PXDN: variants seen among roughly 807,000 people sequenced by gnomAD.
The protein encoded by PXDN is peroxidasin, also known as peroxidasin homolog.
Under a neutral mutation model 140.3 loss-of-function variants are expected in PXDN, and 77 were observed. The ratio of observed to expected loss-of-function variants is 0.55; its 90% confidence interval spans 0.46 to 0.66. The LOEUF (loss-of-function observed/expected upper bound fraction) is 0.66. Among genes scored for constraint, PXDN ranks in the 30% least tolerant of loss-of-function variants. The pLI, the probability that PXDN is intolerant of heterozygous loss-of-function variation, is 0.00. For missense variants in PXDN, 1,838 were observed against 2,039.5 expected, an observed-to-expected ratio of 0.90 and a Z score of 1.90; for synonymous variants, 911 against 857.4, an observed-to-expected ratio of 1.06 and a Z score of -1.09.
At position 1,648,366 on chromosome 2, in the gene PXDN, C is replaced by G; in HGVS notation, c.3414G>C (p.Glu1138Asp). The G allele has an allele frequency of 6.2e-7, 1 of 1,613,550 alleles. No homozygotes were observed. The highest frequency in any genetic ancestry group is 8.5e-7 in the Non-Finnish European group (1 of 1,179,906). ...MRVPSQLLNT[E>D]LTERLFSMAH... ...CCATGGAGAACAGCCGCTCCGTGAG[C>G]TCCGTGTTCAGCAGCTGCGAGGGCA... is the stretch of plus-strand genomic sequence containing the variant. Residue 1138 changes from glutamate to aspartate, a missense_variant, in exon 17 of 23, where the codon GAG becomes GAC. By Grantham distance (45) the Glu-to-Asp change is conservative (BLOSUM62 2). Transcript: ENST00000252804. The surrounding 1 kb of genome is among the most constrained non-coding windows in gnomAD (Gnocchi z 8.9).
Position 1,643,421 on chromosome 2 carries a change from C to T in PXDN, c.3899G>A (p.Ser1300Asn). Reference protein sequence around the residue: ...RVAEFPHGYGSCDEIPRVDLR... With the variant: ...RVAEFPHGYGNCDEIPRVDLR... Reference sequence around the variant, plus strand: ...GTCTACCCTGGGGATCTCGTCACAGCTGCCGTAGCCGTGAGGGAACTCCGC... The same window carrying T: ...GTCTACCCTGGGGATCTCGTCACAGTTGCCGTAGCCGTGAGGGAACTCCGC... The change falls in exon 19 of 23, where the codon AGC (serine) becomes AAC (asparagine). Residue 1300 changes from serine (S) to asparagine (N), a missense_variant. By Grantham distance (46) the Ser-to-Asn change is conservative. This residue lies in a region of PXDN where 850 missense variants were observed against 894.1 expected (regional missense o/e 0.95). Coordinates refer to ENST00000252804, the MANE Select transcript of PXDN (RefSeq NM_012293.3). 2 of 1,613,964 alleles carry T rather than the reference C, an allele frequency of 1.2e-6. No individual in the cohort carries two copies. The highest frequency in any genetic ancestry group is 2.2e-5 in the South Asian group (2 of 91,082).
At chr2:1,673,905 G>A in intron 8 of PXDN, 93 bp from the exon 9 acceptor site, 1 of 1,394,956 alleles carries the variant, frequency 7.2e-7, no homozygotes, top group Non-Finnish European at 1.0e-6. Context: ...CCCTGCAGCA[G>A]GCACAACTTG....
Position 1,649,031 on chromosome 2 carries a change from C to T in PXDN, c.2749G>A (p.Gly917Arg). 6.2e-7 allele frequency: 1 copy of T among 1,612,638 alleles called. No homozygotes were observed. The highest frequency in any genetic ancestry group is 8.5e-7 in the Non-Finnish European group (1 of 1,179,748). The change falls in exon 17 of 23, where the codon GGG becomes AGG. Residue 917 changes from glycine to arginine, a missense_variant. Transcript: ENST00000252804. The surrounding 1 kb of genome is among the most constrained non-coding windows in gnomAD (Gnocchi z 7.1). ...TSYIDASNVY[G>R]STEHEARSIR... ...CTGCGGGCCTCATGCTCCGTGCTCC[C>T]GTACACGTTGGATGCGTCTATGTAG...
chr2:1,692,010 G>T lies in PXDN; in HGVS notation c.273-11C>A, dbSNP rs749280615. 3.4e-6 allele frequency: 5 copies of T among 1,491,272 alleles called. No homozygotes were observed. The highest frequency in any genetic ancestry group is 3.4e-4 in the Middle Eastern group (2 of 5,828). The allele number at this position is 1,491,272 out of a possible 1,614,324, so 92.4% of individuals were successfully genotyped here. A position where few individuals can be genotyped will look rare whatever the true frequency, so the allele number is the denominator to read the frequency against. Reference sequence around the variant, plus strand: ...TTATTATTGAGAAGCCTATGAAAGAGAGTCGATAAGAATTTTAAAAAACAA... The same window carrying T: ...TTATTATTGAGAAGCCTATGAAAGATAGTCGATAAGAATTTTAAAAAACAA... On this transcript the variant is annotated splice_polypyrimidine_tract_variant and intron_variant, in intron 2 of 22. Transcript: ENST00000252804.
intron 1 of PXDN, 47 bp downstream of exon 1, chr2:1,744,209 C>A (rs1169816750): frequency 9.7e-6 from 14 of 1,438,338 alleles, no homozygotes; most frequent in Non-Finnish European, 1.3e-5. Context: ...CCCGGATCTC[C>A]ACGAAGCCCC....
At chr2:1,731,756 A>G (rs1033671663) in intron 1 of PXDN, among the ~76,000 whole-genome samples, 3 of 152,180 alleles carry the variant, frequency 2.0e-5, no homozygotes, top group Admixed American at 2.0e-4. Flanking sequence ...AGAGCTGCCC[A>G]GCCAAGAACA....
At chr2:1,643,774 G>A (rs1682784021) in intron 18 of PXDN, among the ~76,000 whole-genome samples, 198 bp from the exon 19 acceptor site, 1 of 152,116 alleles carries the variant, frequency 6.6e-6, no homozygotes, top group Admixed American at 6.5e-5. Context: ...ACAATCTGGT[G>A]TAAAAATGAC....
chr2:1,658,796 CTCTA>C (rs1683234442), intron 14 of PXDN, among the ~76,000 whole-genome samples: 1 of 138,386 alleles, frequency 7.2e-6, no homozygotes, highest in Non-Finnish European at 1.6e-5. Flanking sequence ...GACCCCCCCA[CTCTA>C]CTCTCCCAGA....
chr2:1,734,017 GA>G (rs892546580), intron 1 of PXDN, among the ~76,000 whole-genome samples: 1 of 152,104 alleles, frequency 6.6e-6, no homozygotes, highest in African/African-American at 2.4e-5. Context: ...TCTCTAAAAA[GA>G]TAACTGACAG....
intron 1 of PXDN, among the ~76,000 whole-genome samples, chr2:1,725,199 T>C (rs938006612): frequency 2.6e-5 from 4 of 152,254 alleles, no homozygotes; most frequent in Non-Finnish European, 4.4e-5. Flanking sequence ...GACTTTTGTA[T>C]GTTGATTTTG....
intron 2 of PXDN, chr2:1,692,674 T>G (rs1684210899): frequency 2.2e-6 from 1 of 463,074 alleles, no homozygotes; most frequent in Non-Finnish European, 4.4e-6. Flanking sequence ...AACCCTCACT[T>G]AAGTCCACTC....
chr2:1,661,402 G>A (rs893569341), intron 13 of PXDN, among the ~76,000 whole-genome samples: 1 of 152,178 alleles, frequency 6.6e-6, no homozygotes, highest in Non-Finnish European at 1.5e-5. Flanking sequence ...GGGCACTGGC[G>A]CCGAGGGCAA....
chr2:1,723,085 T>C (rs771635281), intron 1 of PXDN, among the ~76,000 whole-genome samples: 1 of 152,062 alleles, frequency 6.6e-6, no homozygotes, highest in Admixed American at 6.5e-5. Flanking sequence ...GATGGATGAA[T>C]AGATGGATGA....
At chr2:1,719,133 C>CG in intron 1 of PXDN, among the ~76,000 whole-genome samples, 1 of 152,342 alleles carries the variant, frequency 6.6e-6, no homozygotes, top group South Asian at 2.1e-4. Flanking sequence ...TGGGGCCCTG[C>CG]GGCCATGCCT....
intron 1 of PXDN, among the ~76,000 whole-genome samples, chr2:1,728,280 G>A (rs1288648707): frequency 1.3e-5 from 2 of 152,220 alleles, no homozygotes; most frequent in Non-Finnish European, 2.9e-5. Flanking sequence ...CTGCAGCACA[G>A]ATTCCGAGGC....
chr2:1,662,292 G>T, intron 12 of PXDN, 108 bp from the exon 13 acceptor site: 2 of 948,510 alleles, frequency 2.1e-6, no homozygotes, highest in Non-Finnish European at 3.3e-6. Flanking sequence ...GATGCTGGGA[G>T]CTCACAGTCA....
Position 1,648,284 on chromosome 2 carries a change from C to T in PXDN, c.3496G>A (p.Gly1166Arg), listed in dbSNP as rs1410349925. 6.2e-7 allele frequency: 1 copy of T among 1,613,936 alleles called. No homozygotes were observed. Among genetic ancestry groups the T allele is most frequent in the Non-Finnish European group, 8.5e-7 (1 of 1,179,878 alleles). The change falls in exon 17 of 23, where the codon GGG becomes AGG. Residue 1166 changes from glycine to arginine, a missense_variant. Coordinates refer to ENST00000252804, the MANE Select transcript of PXDN (RefSeq NM_012293.3). This position sits in a 1 kb window ranked among gnomAD's most constrained non-coding sequence, Gnocchi z 8.9. ...CTGTAGTCGTGGTAGGGTGGGATCC[C>T]GTGGTCCCGGCCCCGCTGGATGTTG... is the stretch of plus-strand genomic sequence containing the variant. Reference protein sequence around the residue: ...AINIQRGRDHGIPPYHDYRVY... With the variant: ...AINIQRGRDHRIPPYHDYRVY...
At position 1,683,077 on chromosome 2, in the gene PXDN, A is replaced by G. The variant is rs574154699; in HGVS notation, c.560+579T>C. ...TTAAAAATTAATTTGATGAATTTAA[A>G]GACGATTTAAATCGTCTTTAATGGC... On this transcript the variant is annotated intron_variant, in intron 6 of 22. Transcript: ENST00000252804. Among the ~76,000 whole-genome samples the G allele has an allele frequency of 9.4e-4, 143 of 152,088 alleles. 1 individual carries two copies. The highest frequency in any genetic ancestry group is 3.4e-3 in the African/African-American group (141 of 41,478).
intron 6 of PXDN, among the ~76,000 whole-genome samples, chr2:1,681,490 G>T (rs1241335172): frequency 6.6e-6 from 1 of 152,024 alleles, no homozygotes; most frequent in African/African-American, 2.4e-5. Flanking sequence ...CCCCCGAGAT[G>T]GGGATGGGAT....
Sources: gnomAD v4.1 joint callset for allele counts (sites outside exome capture counted in the v4.1 genomes callset) on GRCh38, gnomAD v4.1.1 for gene constraint, gnomAD v4.1.1 regional missense constraint, Gnocchi (gnomAD v3.1) non-coding constraint, MANE v1.5 for transcripts, NCBI Gene and HGNC (gene_info 2026-07-23, HGNC 2026-07-21) for gene names.